Variants in SVOPL observed in about 807,000 individuals in gnomAD.
SVOPL encodes the protein putative transporter SVOPL.
A neutral mutation model predicts 61.0 loss-of-function variants in SVOPL; 60 were observed. The ratio of observed to expected loss-of-function variants is 0.98; its 90% CI spans 0.80 to 1.22. The LOEUF (loss-of-function observed/expected upper bound fraction) is 1.22. SVOPL is among the 50% of genes most tolerant of loss of function. SVOPL has a pLI of 0.00. For synonymous variants in SVOPL, 279 were observed against 250.0 expected (o/e 1.12, Z -1.09); for missense variants, 662 against 643.9 (o/e 1.03, Z -0.30).
chr7:138,650,484 T>C (rs1425149678), intron 7 of SVOPL, among the ~76,000 whole-genome samples: 2 of 151,644 alleles, frequency 1.3e-5, no homozygotes, highest in Non-Finnish European at 2.9e-5. Flanking sequence ...GCTACCTAGG[T>C]CTGAAGGTTA....
intron 14 of SVOPL, among the ~76,000 whole-genome samples, chr7:138,597,529 T>C (rs1296546893): frequency 6.6e-6 from 1 of 152,136 alleles, no homozygotes; most frequent in Non-Finnish European, 1.5e-5. Context: ...ACCCACAACA[T>C]TGATCTCACT....
chr7:138,681,303 A>C (rs1802696293), intron 1 of SVOPL, among the ~76,000 whole-genome samples: 1 of 148,312 alleles, frequency 6.7e-6, no homozygotes, highest in Non-Finnish European at 1.5e-5. Flanking sequence ...TGGAAATAGA[A>C]ATACGAGATT....
intron 1 of SVOPL, among the ~76,000 whole-genome samples, chr7:138,688,507 T>A (rs1253668105): frequency 6.6e-6 from 1 of 152,194 alleles, no homozygotes; most frequent in African/African-American, 2.4e-5. Flanking sequence ...TGACCTCCAG[T>A]GGTCCACCTG....
At chr7:138,682,959 A>G (rs949764361) in intron 1 of SVOPL, among the ~76,000 whole-genome samples, 2 of 125,350 alleles carry the variant, frequency 1.6e-5, no homozygotes, top group African/African-American at 7.3e-5. Flanking sequence ...CAAGAGCAAA[A>G]CTCCATCTCA....
intron 4 of SVOPL, among the ~76,000 whole-genome samples, chr7:138,671,317 T>C (rs1802410453): frequency 6.6e-6 from 1 of 152,202 alleles, no homozygotes; most frequent in Non-Finnish European, 1.5e-5. Context: ...CAATTCCACT[T>C]TGTAGCAAAA....
intron 1 of SVOPL, among the ~76,000 whole-genome samples, chr7:138,681,396 C>G (rs2117126060): frequency 6.6e-6 from 1 of 151,112 alleles, no homozygotes; most frequent in African/African-American, 2.4e-5. Context: ...AACAAACAAA[C>G]CCAGGCATCT....
intron 10 of SVOPL, among the ~76,000 whole-genome samples, chr7:138,629,597 C>A (rs1235397821): frequency 2.0e-5 from 3 of 152,150 alleles, no homozygotes; most frequent in African/African-American, 7.2e-5. Context: ...TATTAAAACT[C>A]ATCAATCTTT....
intron 1 of SVOPL, among the ~76,000 whole-genome samples, chr7:138,688,351 C>T (rs1362213202): frequency 6.6e-6 from 1 of 151,714 alleles, no homozygotes; most frequent in Non-Finnish European, 1.5e-5. Flanking sequence ...CTGACTGCAA[C>T]CTTTGCCTCC....
At chr7:138,666,240 G>T (rs1001345373) in intron 4 of SVOPL, among the ~76,000 whole-genome samples, 2 of 152,218 alleles carry the variant, frequency 1.3e-5, no homozygotes, top group African/African-American at 4.8e-5. Context: ...GGAATTCCCA[G>T]ATTGCAATCA....
At position 138,674,446 on chromosome 7, in the gene SVOPL, G is replaced by A. The variant is rs553185810; in HGVS notation, c.175-2329C>T. On this transcript the variant is annotated intron_variant, in intron 3 of 15. Coordinates refer to ENST00000674285, the MANE Select transcript of SVOPL (RefSeq NM_001139456.2). ...AAAGCATCCCATCGTAAGACCAGTC[G>A]AAAGATTTGGTCCCTGCACCCAAAT... Among the ~76,000 whole-genome samples, 19 of 151,984 alleles carry A rather than the reference G, an allele frequency of 1.3e-4. No homozygotes were observed. The South Asian group carries it at 2.1e-3, about 17-fold the overall frequency.
intron 11 of SVOPL, among the ~76,000 whole-genome samples, 158 bp from the exon 12 acceptor site, chr7:138,627,619 T>C (rs562329266): frequency 6.6e-6 from 1 of 152,322 alleles, no homozygotes; most frequent in South Asian, 2.1e-4. Flanking sequence ...GTCATCAATT[T>C]CAAGACTTTT....
chr7:138,647,149 G>A (rs1217858724), intron 8 of SVOPL, among the ~76,000 whole-genome samples: 1 of 152,204 alleles, frequency 6.6e-6, no homozygotes, highest in African/African-American at 2.4e-5. Flanking sequence ...GCCGAGGTGG[G>A]CAGATCACGA....
In SVOPL at chr7:138,628,307, T is replaced by A; in HGVS notation, c.920A>T (p.Glu307Val). ...GVILASAELL[E>V]RDLVCGSKSD... ...CTTTGAACCACAGACCAAGTCCCGC[T>A]CCAGCAGCTCAGCACTGGCCAGGAT... is the stretch of plus-strand genomic sequence containing the variant. The change falls in exon 11 of 16, where the codon GAG (glutamate) becomes GTG (valine). Residue 307 changes from glutamate to valine, a missense_variant. Physicochemically the swap from Glu to Val is moderately radical, Grantham distance 121 (BLOSUM62 -2). Transcript: ENST00000674285. The A allele has an allele frequency of 6.2e-7, 1 of 1,613,794 alleles. No homozygotes were observed. Among genetic ancestry groups the A allele is most frequent in the Non-Finnish European group, 8.5e-7 (1 of 1,179,962 alleles).
At chr7:138,688,288 A>G (rs1802865440) in intron 1 of SVOPL, among the ~76,000 whole-genome samples, 1 of 148,952 alleles carries the variant, frequency 6.7e-6, no homozygotes, top group Non-Finnish European at 1.5e-5. Flanking sequence ...TTTTTTTTTG[A>G]GACAGAGTTT....
chr7:138,644,647 C>G, intron 9 of SVOPL, 70 bp downstream of exon 9: 5 of 1,572,860 alleles, frequency 3.2e-6, no homozygotes, highest in Non-Finnish European at 4.3e-6. Flanking sequence ...CTCCCTCCAG[C>G]CTTCCACAAC....
At chr7:138,654,020 G>C (rs1801576565) in intron 7 of SVOPL, among the ~76,000 whole-genome samples, 2 of 150,984 alleles carry the variant, frequency 1.3e-5, no homozygotes, top group South Asian at 4.2e-4. Context: ...GTAATCTCAG[G>C]TACTTGGGAG....
At chr7:138,694,962 C>T (rs780338193) in intron 1 of SVOPL, among the ~76,000 whole-genome samples, 2 of 152,124 alleles carry the variant, frequency 1.3e-5, no homozygotes, top group African/African-American at 2.4e-5. Flanking sequence ...TGGTCTCGAA[C>T]TCCTGACCTC....
At chr7:138,669,370 C>T (rs1802358556) in intron 4 of SVOPL, among the ~76,000 whole-genome samples, 1 of 152,116 alleles carries the variant, frequency 6.6e-6, no homozygotes, top group African/African-American at 2.4e-5. Context: ...ATCGCACCAC[C>T]ACACTCCAGC....
chr7:138,653,947 AAGAAAAG>A (rs1346525880), intron 7 of SVOPL, among the ~76,000 whole-genome samples: 7 of 144,038 alleles, frequency 4.9e-5, no homozygotes, highest in South Asian at 2.3e-4. Flanking sequence ...AAAAAAAAAA[AAGAAAAG>A]AAAAGAAAAG....
Sources: gnomAD v4.1 joint callset for allele counts (sites outside exome capture counted in the v4.1 genomes callset) on GRCh38, gnomAD v4.1.1 for gene constraint, MANE v1.5 for transcripts, NCBI Gene and HGNC (gene_info 2026-07-23, HGNC 2026-07-21) for gene names.